Variants in ROBO1 observed in about 807,000 individuals in gnomAD.
The protein encoded by ROBO1 is roundabout guidance receptor 1.
In ROBO1, 149 loss-of-function variants were observed where a neutral mutation model predicts 195.9. The observed-to-expected ratio is 0.76, with a 90% CI of 0.67 to 0.87. ROBO1 has a LOEUF of 0.87. Ranked by LOEUF, ROBO1 falls within the 40% of genes least tolerant of loss-of-function variation. The probability of loss-of-function intolerance (pLI) is 0.00; values close to 1 mark genes in which losing one functional copy is unlikely to be tolerated. For synonymous variants in ROBO1, 816 were observed against 733.2 expected, an observed-to-expected ratio of 1.11 and a Z score of -1.82; for missense variants, 1,933 against 2,068.3, an observed-to-expected ratio of 0.93 and a Z score of 1.27.
In ROBO1 at chr3:79,600,935, A is replaced by T. The variant is rs541239704; in HGVS notation, c.-50-10974T>A. ...AACTTACTATGCACCATCCTAAGAT[A>T]CAAAAATGAATGACAGTGCCTACTC... is the stretch of plus-strand genomic sequence containing the variant. On this transcript the variant is annotated intron_variant, in intron 1 of 30. Coordinates refer to ENST00000464233, the MANE Select transcript of ROBO1 (RefSeq NM_002941.4). 2.0e-5 allele frequency among the ~76,000 whole-genome samples: 3 copies of T among 152,158 alleles called. No homozygotes were observed. The East Asian group carries it at 5.8e-4, about 29-fold the overall frequency.
intron 15 of ROBO1, 40 bp downstream of exon 15, chr3:78,661,953 A>T: frequency 6.3e-7 from 1 of 1,593,448 alleles, no homozygotes; most frequent in Non-Finnish European, 8.5e-7. Flanking sequence ...GATCTCGCAG[A>T]CGCTTATTAA....
chr3:79,561,748 C>G (rs1288991822), intron 2 of ROBO1, among the ~76,000 whole-genome samples: 2 of 152,022 alleles, frequency 1.3e-5, no homozygotes, highest in Non-Finnish European at 2.9e-5. Context: ...ATTAACAGCA[C>G]TATGGATAAA....
Position 78,845,179 on chromosome 3 carries a change from T to C in ROBO1, c.499+93422A>G, listed in dbSNP as rs184555687. On this transcript the variant is annotated intron_variant, in intron 4 of 30. Coordinates refer to ENST00000464233, the MANE Select transcript of ROBO1 (RefSeq NM_002941.4). ...TCATGAATTCAGATGTGTGTAAGTATAAAATGTGCACAGGTTTTAGAGATT... is the reference window on the plus strand; with the variant it reads ...TCATGAATTCAGATGTGTGTAAGTACAAAATGTGCACAGGTTTTAGAGATT... Among the ~76,000 whole-genome samples the C allele has an allele frequency of 3.6e-4, 54 of 152,100 alleles. No individual in the cohort carries two copies. In the East Asian group the frequency reaches 9.7e-3, roughly 27 times the overall value.
chr3:79,205,726 T>A (rs150510191), intron 2 of ROBO1, among the ~76,000 whole-genome samples: 9 of 152,274 alleles, frequency 5.9e-5, no homozygotes, highest in Admixed American at 3.3e-4. Flanking sequence ...TAAGACCCAG[T>A]TGAGATCCAC....
chr3:78,815,035 A>C (rs2084857127), intron 4 of ROBO1, among the ~76,000 whole-genome samples: 1 of 152,122 alleles, frequency 6.6e-6, no homozygotes, highest in African/African-American at 2.4e-5. Context: ...ACAACCATGT[A>C]AGATGGCAAA....
intron 4 of ROBO1, among the ~76,000 whole-genome samples, chr3:78,828,300 T>C (rs2031821701): frequency 1.3e-5 from 2 of 152,232 alleles, no homozygotes; most frequent in African/African-American, 4.8e-5. Flanking sequence ...TGTAGTTTTA[T>C]CTTGTCTAAA....
At chr3:79,263,112 A>G (rs897497427) in intron 2 of ROBO1, among the ~76,000 whole-genome samples, 11 of 151,932 alleles carry the variant, frequency 7.2e-5, no homozygotes, top group African/African-American at 2.7e-4. Context: ...TCATTTTCAT[A>G]TTTTCCCTTT....
At chr3:79,454,716 C>T (rs1467669796) in intron 2 of ROBO1, among the ~76,000 whole-genome samples, 1 of 151,902 alleles carries the variant, frequency 6.6e-6, no homozygotes, top group Non-Finnish European at 1.5e-5. Flanking sequence ...ATTCAATTCT[C>T]TTTTTTTTGT....
intron 5 of ROBO1, among the ~76,000 whole-genome samples, chr3:78,734,182 G>C (rs968917939): frequency 2.0e-5 from 3 of 152,094 alleles, no homozygotes; most frequent in Non-Finnish European, 4.4e-5. Flanking sequence ...ATTTTCAAGA[G>C]TTGGCGGAAT....
intron 2 of ROBO1, among the ~76,000 whole-genome samples, chr3:79,381,373 AAAAAGAAAAGAAAAG>A (rs66481962): frequency 0.38 from 42,890 of 113,932 alleles, 8,699 homozygotes; most frequent in Non-Finnish European, 0.4. Flanking sequence ...AAAAAAAAAA[AAAAAGAAAAGAAAAG>A]AAAAGAAAAG....
chr3:78,780,571 A>G (rs563069466), intron 4 of ROBO1, among the ~76,000 whole-genome samples: 113 of 152,186 alleles, frequency 7.4e-4, no homozygotes, highest in Middle Eastern at 3.4e-3. Flanking sequence ...AATAATTTTA[A>G]CGTTGAGACA....
In ROBO1 at chr3:79,661,860, C is replaced by A. The variant is rs184523867; in HGVS notation, c.-50-71899G>T. Among the ~76,000 whole-genome samples, 51 of 152,126 alleles carry A rather than the reference C, an allele frequency of 3.4e-4. 1 individual carries two copies. In the East Asian group the frequency reaches 9.1e-3, roughly 27 times the overall value. ...TTAACAGCAGGGAATGTAGCAAATACTCCAGTCAAGAGACAATGTGGAATG... is the reference window on the plus strand; with the variant it reads ...TTAACAGCAGGGAATGTAGCAAATAATCCAGTCAAGAGACAATGTGGAATG... On this transcript the variant is annotated intron_variant, in intron 1 of 30. Transcript: ENST00000464233.
intron 2 of ROBO1, among the ~76,000 whole-genome samples, chr3:79,189,668 G>A (rs2081503650): frequency 6.6e-6 from 1 of 151,694 alleles, no homozygotes. Flanking sequence ...TCAAAATAAA[G>A]TGGCACTCTG....
chr3:79,384,546 G>A (rs1034819302), intron 2 of ROBO1, among the ~76,000 whole-genome samples: 1 of 151,890 alleles, frequency 6.6e-6, no homozygotes, highest in Non-Finnish European at 1.5e-5. Context: ...CCTATAAGGC[G>A]ATGAACAGAG....
At chr3:79,333,786 A>G (rs570783113) in intron 2 of ROBO1, among the ~76,000 whole-genome samples, 1 of 152,248 alleles carries the variant, frequency 6.6e-6, no homozygotes, top group African/African-American at 2.4e-5. Context: ...TTTATTACTA[A>G]TGGCCTGAAA....
chr3:79,123,426 C>A (rs1159071583), intron 3 of ROBO1, among the ~76,000 whole-genome samples: 2 of 151,940 alleles, frequency 1.3e-5, no homozygotes, highest in African/African-American at 4.8e-5. Context: ...CAATTGGTAT[C>A]TTTCTTTACA....
intron 4 of ROBO1, among the ~76,000 whole-genome samples, chr3:78,799,381 G>T (rs1035967963): frequency 6.6e-6 from 1 of 150,996 alleles, no homozygotes; most frequent in East Asian, 1.9e-4. Flanking sequence ...TCGCTCTGTC[G>T]CCCAGGCTGG....
At chr3:78,990,991 G>T (rs927504359) in intron 3 of ROBO1, among the ~76,000 whole-genome samples, 1 of 152,116 alleles carries the variant, frequency 6.6e-6, no homozygotes, top group Admixed American at 6.6e-5. Flanking sequence ...CCATTTAAGG[G>T]TCTAATAAAT....
chr3:79,285,194 G>C (rs1280236970), intron 2 of ROBO1, among the ~76,000 whole-genome samples: 3 of 152,092 alleles, frequency 2.0e-5, no homozygotes, highest in African/African-American at 4.8e-5. Flanking sequence ...AAGACATTCA[G>C]AGGTAATGTT....
Sources: allele counts gnomAD v4.1 joint callset (sites outside exome capture counted in the v4.1 genomes callset), GRCh38; gene constraint gnomAD v4.1.1; transcripts MANE v1.5; gene names NCBI Gene and HGNC (gene_info 2026-07-23, HGNC 2026-07-21).